Variants in AUTS2 observed in about 807,000 individuals in gnomAD.
AUTS2 encodes the protein activator of transcription and developmental regulator AUTS2.
A neutral mutation model predicts 112.4 loss-of-function variants in AUTS2; 17 were observed. The observed-to-expected ratio is 0.15, with a 90% CI of 0.10 to 0.23. AUTS2 has a LOEUF of 0.23. Among genes scored for constraint, AUTS2 ranks in the 10% least tolerant of loss-of-function variants. The pLI is 1.00. For synonymous variants in AUTS2, 751 were observed against 702.7 expected (o/e 1.07, Z -1.09); for missense variants, 1,510 against 1,701.6 (o/e 0.89, Z 1.98).
At chr7:70,781,177 A>G (rs1046879251) in intron 14 of AUTS2, among the ~76,000 whole-genome samples, 5 of 152,076 alleles carry the variant, frequency 3.3e-5, no homozygotes, top group South Asian at 4.2e-4. Flanking sequence ...CCTGGCCAAC[A>G]TGGTGAAACC....
At chr7:69,711,931 A>G (rs1158575351) in intron 1 of AUTS2, among the ~76,000 whole-genome samples, 1 of 152,216 alleles carries the variant, frequency 6.6e-6, no homozygotes, top group Non-Finnish European at 1.5e-5. Flanking sequence ...ATAAGATAAG[A>G]TTGACTTTTA....
At chr7:69,848,068 T>C (rs1259853480) in intron 1 of AUTS2, among the ~76,000 whole-genome samples, 1 of 152,154 alleles carries the variant, frequency 6.6e-6, no homozygotes, top group Non-Finnish European at 1.5e-5. Flanking sequence ...GTCCTGTAAG[T>C]CATTAGAGAC....
chr7:69,639,096 G>A (rs1287888691), intron 1 of AUTS2, among the ~76,000 whole-genome samples: 1 of 152,132 alleles, frequency 6.6e-6, no homozygotes, highest in Non-Finnish European at 1.5e-5. Flanking sequence ...TTATTATAGA[G>A]TTTTATTAAA....
At chr7:70,113,882 G>T (rs1308211297) in intron 2 of AUTS2, among the ~76,000 whole-genome samples, 1 of 152,188 alleles carries the variant, frequency 6.6e-6, no homozygotes, top group East Asian at 1.9e-4. Context: ...GCAGTCTAGG[G>T]TGATGGGACT....
At chr7:69,872,710 T>A (rs1793553054) in intron 1 of AUTS2, among the ~76,000 whole-genome samples, 1 of 152,014 alleles carries the variant, frequency 6.6e-6, no homozygotes, top group Non-Finnish European at 1.5e-5. Flanking sequence ...TGGTAGGAAG[T>A]AGAACTTGTA....
chr7:70,571,461 C>T (rs1442889115), intron 5 of AUTS2, among the ~76,000 whole-genome samples: 5 of 152,294 alleles, frequency 3.3e-5, no homozygotes, highest in Non-Finnish European at 7.3e-5. Context: ...TCATTTTACC[C>T]TTGGAAAGGT....
intron 4 of AUTS2, among the ~76,000 whole-genome samples, chr7:70,310,844 A>G (rs963943239): frequency 2.0e-5 from 3 of 152,152 alleles, no homozygotes; most frequent in Non-Finnish European, 4.4e-5. Context: ...CCCTTAGAAT[A>G]CTTGTCATGC....
At chr7:70,081,965 T>TGTGCGC (rs1018968486) in intron 2 of AUTS2, among the ~76,000 whole-genome samples, 2,910 of 128,068 alleles carry the variant, frequency 0.023, 81 homozygotes, top group African/African-American at 0.064. Flanking sequence ...TGTGTGTGTG[T>TGTGCGC]GCGCGCGCCT....
intron 5 of AUTS2, among the ~76,000 whole-genome samples, chr7:70,492,361 G>T (rs892467112): frequency 6.6e-6 from 1 of 152,200 alleles, no homozygotes; most frequent in African/African-American, 2.4e-5. Context: ...CGAGAGGGGA[G>T]TATCTTGAAA....
At chr7:70,553,885 A>G (rs980433084) in intron 5 of AUTS2, among the ~76,000 whole-genome samples, 4 of 124,560 alleles carry the variant, frequency 3.2e-5, no homozygotes, top group African/African-American at 1.3e-4. Flanking sequence ...TCCTGCCTCA[A>G]CCCTCCCAAG....
chr7:69,627,518 A>C (rs997878094), intron 1 of AUTS2, among the ~76,000 whole-genome samples: 5 of 152,064 alleles, frequency 3.3e-5, no homozygotes, highest in Admixed American at 6.6e-5. Context: ...AACAAACAAA[A>C]AAAAACAATA....
chr7:70,107,928 G>A (rs899541328), intron 2 of AUTS2, among the ~76,000 whole-genome samples: 3 of 151,288 alleles, frequency 2.0e-5, no homozygotes, highest in Non-Finnish European at 4.4e-5. Flanking sequence ...GGAGAATGGC[G>A]TGAACCCAGT....
In AUTS2 at chr7:69,599,022, TG is replaced by T. The variant is rs1284905445; in HGVS notation, c.-630del. 3 of 152,088 alleles carry T rather than the reference TG, an allele frequency of 2.0e-5. No individual in the cohort carries two copies. Among genetic ancestry groups the T allele is most frequent in the African/African-American group, 7.2e-5 (3 of 41,406 alleles). The allele number at this position is 152,088 out of a possible 1,614,324, so 9.4% of individuals were successfully genotyped here. A position where few individuals can be genotyped will look rare whatever the true frequency, so the allele number is the denominator to read the frequency against. ...GTCGCTCCGGAGCCCCGGCCTCCCC[TG>T]GCTGCATTTCTTAAAAATTTGGGAG... On this transcript the variant is annotated 5_prime_UTR_variant, in exon 1 of 19. It removes the in-frame stop codon of an upstream open reading frame in the 5' UTR. Coordinates refer to ENST00000342771, the MANE Select transcript of AUTS2 (RefSeq NM_015570.4). The surrounding 1 kb of genome is among the most constrained non-coding windows in gnomAD (Gnocchi z 7.0).
chr7:70,364,704 A>G (rs185280858), intron 4 of AUTS2, among the ~76,000 whole-genome samples: 76 of 152,202 alleles, frequency 5.0e-4, no homozygotes, highest in Admixed American at 1.8e-3. Flanking sequence ...TTCCTTGTCT[A>G]GGAAAGGTGG....
rs866142952 is a variant in AUTS2 at position 70,677,133 on chromosome 7, C to G, written c.691-21436C>G. Among the ~76,000 whole-genome samples, 4 of 152,296 alleles carry G rather than the reference C, an allele frequency of 2.6e-5. 1 individual carries two copies. Among genetic ancestry groups the G allele is most frequent in the Non-Finnish European group, 1.5e-5 (1 of 68,020 alleles). The stretch of plus-strand genomic sequence containing the variant: ...AACACATCTGCCATTTTTGAGTTCT[C>G]CTCCTCCTGGAAATCCCTTCTTGTC... On this transcript the variant is annotated intron_variant, in intron 5 of 18. Transcript: ENST00000342771.
intron 4 of AUTS2, among the ~76,000 whole-genome samples, chr7:70,337,351 T>C (rs1218896892): frequency 6.6e-6 from 1 of 152,234 alleles, no homozygotes; most frequent in Non-Finnish European, 1.5e-5. Context: ...GCAACCTCTA[T>C]TGTAAGGCTC....
chr7:70,210,987 G>C (rs542271823), intron 4 of AUTS2, among the ~76,000 whole-genome samples: 2 of 152,268 alleles, frequency 1.3e-5, no homozygotes, highest in Admixed American at 6.5e-5. Context: ...TTGGGAGGAA[G>C]GGTAGGAAAA....
chr7:70,624,834 A>G (rs1804854839), intron 5 of AUTS2, among the ~76,000 whole-genome samples: 1 of 152,214 alleles, frequency 6.6e-6, no homozygotes, highest in African/African-American at 2.4e-5. Context: ...TTGAATAATT[A>G]TCATCATTAT....
At chr7:69,924,547 T>C (rs1391206688) in intron 2 of AUTS2, among the ~76,000 whole-genome samples, 1 of 151,280 alleles carries the variant, frequency 6.6e-6, no homozygotes, top group Admixed American at 6.6e-5. Context: ...TTCTTTCTTT[T>C]CTTTTTTTTT....
Sources: gnomAD v4.1 joint callset for allele counts (sites outside exome capture counted in the v4.1 genomes callset) on GRCh38, gnomAD v4.1.1 for gene constraint, Gnocchi (gnomAD v3.1) non-coding constraint, MANE v1.5 for transcripts, NCBI Gene and HGNC (gene_info 2026-07-23, HGNC 2026-07-21) for gene names.